The following FAM13A variants were observed in gnomAD, a reference collection of about 807,000 sequenced individuals.
FAM13A encodes family with sequence similarity 13 member A, also known as protein FAM13A.
In FAM13A, 76 loss-of-function variants were observed where a neutral mutation model predicts 129.6. The ratio of observed to expected loss-of-function variants is 0.59; its 90% CI spans 0.49 to 0.71. FAM13A has a LOEUF of 0.71. FAM13A is among the 30% of genes least tolerant of loss of function. The pLI is 0.00. For missense variants in FAM13A, 1,108 were observed against 1,249.3 expected, an observed-to-expected ratio of 0.89 and a Z score of 1.70; for synonymous variants, 443 against 449.9, an observed-to-expected ratio of 0.98 and a Z score of 0.20.
At chr4:88,982,444 T>A (rs2148990671) in intron 4 of FAM13A, among the ~76,000 whole-genome samples, 1 of 152,340 alleles carries the variant, frequency 6.6e-6, no homozygotes, top group South Asian at 2.1e-4. Flanking sequence ...GTATGAGGAC[T>A]TTCTCTTACA....
intron 5 of FAM13A, among the ~76,000 whole-genome samples, chr4:88,927,433 CT>C (rs36056529): frequency 3.4e-4 from 47 of 136,682 alleles, no homozygotes; most frequent in East Asian, 2.1e-3. Context: ...ATTTGGATGT[CT>C]TTTTTTTTTT....
chr4:88,821,771 T>C lies in FAM13A; in HGVS notation c.1008-16719A>G, dbSNP rs183877180. Among the ~76,000 whole-genome samples, 34 of 152,314 alleles carry C rather than the reference T, an allele frequency of 2.2e-4. No individual in the cohort carries two copies. In the East Asian group the frequency reaches 3.7e-3, roughly 16 times the overall value. ...AGTTCACGTAGAAAAATTTTAGATA[T>C]ATTTGTAAACCACTTTCTGCTCCCT... On this transcript the variant is annotated intron_variant, in intron 7 of 23. Transcript: ENST00000264344.
chr4:88,847,580 A>G (rs1736853236), intron 7 of FAM13A, among the ~76,000 whole-genome samples: 1 of 152,068 alleles, frequency 6.6e-6, no homozygotes, highest in Admixed American at 6.5e-5. Flanking sequence ...CCAAAAGGAG[A>G]GTCTTGTTAA....
At chr4:89,022,443 A>G (rs1579813080) in intron 2 of FAM13A, among the ~76,000 whole-genome samples, 1 of 152,198 alleles carries the variant, frequency 6.6e-6, no homozygotes, top group South Asian at 2.1e-4. Flanking sequence ...AAAAGTTGAT[A>G]TGAATTTTAG....
intron 5 of FAM13A, among the ~76,000 whole-genome samples, chr4:88,929,883 G>A (rs1469475422): frequency 6.6e-6 from 1 of 152,070 alleles, no homozygotes; most frequent in Non-Finnish European, 1.5e-5. Context: ...GACTACAGGT[G>A]TGTACCACCA....
At chr4:88,820,063 T>C (rs971762435) in intron 7 of FAM13A, among the ~76,000 whole-genome samples, 3 of 152,224 alleles carry the variant, frequency 2.0e-5, no homozygotes, top group Admixed American at 1.3e-4. Context: ...ATTTCATTTT[T>C]AGTTTTTGAC....
chr4:88,890,912 C>T (rs1297457692), intron 6 of FAM13A, among the ~76,000 whole-genome samples: 2 of 152,042 alleles, frequency 1.3e-5, no homozygotes, highest in African/African-American at 4.8e-5. Flanking sequence ...TCCTAGAACA[C>T]TTATCAAAAC....
At chr4:88,885,257 AACTAT>A in intron 6 of FAM13A, among the ~76,000 whole-genome samples, 1 of 152,328 alleles carries the variant, frequency 6.6e-6, no homozygotes, top group East Asian at 1.9e-4. Context: ...CCCAACCTCA[AACTAT>A]ACTATAAGGC....
At chr4:88,968,860 C>T (rs1399747555) in intron 4 of FAM13A, among the ~76,000 whole-genome samples, 4 of 152,082 alleles carry the variant, frequency 2.6e-5, no homozygotes, top group Non-Finnish European at 5.9e-5. Context: ...ACAGAAATGC[C>T]TATAACGCTG....
chr4:88,823,982 TG>T (rs986380457), intron 7 of FAM13A, among the ~76,000 whole-genome samples: 2 of 152,156 alleles, frequency 1.3e-5, no homozygotes, highest in Non-Finnish European at 2.9e-5. Flanking sequence ...AACAGCATTT[TG>T]GGGGGGTTGC....
At chr4:88,811,102 C>T (rs1488063528) in intron 7 of FAM13A, among the ~76,000 whole-genome samples, 1 of 152,172 alleles carries the variant, frequency 6.6e-6, no homozygotes, top group African/African-American at 2.4e-5. Context: ...ATTTCTTTCT[C>T]TGTCCTACTG....
At chr4:88,951,713 T>A (rs1756981141) in intron 4 of FAM13A, among the ~76,000 whole-genome samples, 1 of 152,220 alleles carries the variant, frequency 6.6e-6, no homozygotes. Context: ...TCAATTAAAG[T>A]TCTGTTCCTC....
chr4:88,926,283 C>T (rs1752148489), intron 5 of FAM13A, among the ~76,000 whole-genome samples: 1 of 152,154 alleles, frequency 6.6e-6, no homozygotes. Context: ...AGAAGTATAA[C>T]TTTCATCCTG....
intron 7 of FAM13A, among the ~76,000 whole-genome samples, chr4:88,827,220 T>C (rs753405998): frequency 2.6e-5 from 4 of 152,256 alleles, no homozygotes; most frequent in Admixed American, 6.5e-5. Flanking sequence ...TTTGGTTCTC[T>C]GTGATCTTTC....
At chr4:88,905,166 T>C (rs991587772) in intron 6 of FAM13A, among the ~76,000 whole-genome samples, 7 of 152,124 alleles carry the variant, frequency 4.6e-5, no homozygotes, top group Non-Finnish European at 8.8e-5. Flanking sequence ...TATATGTATG[T>C]ATGTATGAAC....
intron 6 of FAM13A, among the ~76,000 whole-genome samples, chr4:88,860,341 A>G (rs1202863812): frequency 6.6e-6 from 1 of 152,222 alleles, no homozygotes; most frequent in African/African-American, 2.4e-5. Context: ...GAGAATACTC[A>G]GGATTCTGTG....
At chr4:89,030,958 G>A (rs1485370184) in intron 1 of FAM13A, among the ~76,000 whole-genome samples, 4 of 152,024 alleles carry the variant, frequency 2.6e-5, no homozygotes, top group Non-Finnish European at 5.9e-5. Context: ...GGTCATATTT[G>A]AAAGCCATAT....
chr4:88,906,529 G>A lies in FAM13A; in HGVS notation c.760-67C>T, dbSNP rs955378188. 1.0e-5 allele frequency: 11 copies of A among 1,078,712 alleles called. No homozygotes were observed. The African/African-American group carries it at 1.8e-4, about 18-fold the overall frequency. The allele number at this position is 1,078,712 out of a possible 1,614,324, so 66.8% of individuals were successfully genotyped here. A position where few individuals can be genotyped will look rare whatever the true frequency, so the allele number is the denominator to read the frequency against. ...ACTTACCCTAACCAAAAATTACAAG[G>A]TAGTGAAAAACAGTTTTGAAGAGAG... On this transcript the variant is annotated intron_variant, in intron 5 of 23. Transcript: ENST00000264344.
rs1332801505 is a variant in FAM13A, at chr4:88,790,617, G to C, written c.1060C>G (p.Pro354Ala). 2 of 1,611,720 alleles carry C rather than the reference G, an allele frequency of 1.2e-6. No homozygotes were observed. Among genetic ancestry groups the C allele is most frequent in the African/African-American group, 2.7e-5 (2 of 74,604 alleles). ...LSPFYLSAHV[P>A]QVSNVSATGE... ...GTTGCAGACACATTGCTGACTTGGG[G>C]TACATGAGCACTGCAGAAAAGAAGC... The change falls in exon 9 of 24, where the codon CCC becomes GCC. Residue 354 changes from proline to alanine, a missense_variant. By Grantham distance (27) the Pro-to-Ala change is conservative (BLOSUM62 -1). Coordinates refer to ENST00000264344, the MANE Select transcript of FAM13A (RefSeq NM_014883.4).
Sources: allele counts gnomAD v4.1 joint callset (sites outside exome capture counted in the v4.1 genomes callset), GRCh38; gene constraint gnomAD v4.1.1; transcripts MANE v1.5; gene names NCBI Gene and HGNC (gene_info 2026-07-23, HGNC 2026-07-21).